Variants in GNG2 observed in about 807,000 individuals in gnomAD.
GNG2 encodes the protein guanine nucleotide-binding protein G(I)/G(S)/G(O) subunit gamma-2.
Under a neutral mutation model 5.5 loss-of-function variants are expected in GNG2, and 5 were observed. The observed-to-expected ratio is 0.91, with a 90% CI of 0.48 to 1.92. The LOEUF is 1.92. GNG2 is among the 30% of genes most tolerant of loss of function. The pLI is 0.01. For synonymous variants in GNG2, 28 were observed against 32.0 expected, an observed-to-expected ratio of 0.88 and a Z score of 0.42; for missense variants, 55 against 88.4, an observed-to-expected ratio of 0.62 and a Z score of 1.52.
chr14:51,877,727 T>C (rs1291590428), intron 2 of GNG2, 70 bp downstream of exon 2: 3 of 440,202 alleles, frequency 6.8e-6, no homozygotes, highest in Non-Finnish European at 1.4e-5. Flanking sequence ...AAAAAAATGT[T>C]AAGTGGTCTA....
chr14:51,865,902 G>A (rs905380321), intron 1 of GNG2, among the ~76,000 whole-genome samples: 1 of 151,856 alleles, frequency 6.6e-6, no homozygotes, highest in Admixed American at 6.6e-5. Context: ...GTTGTATTTA[G>A]TGGGAGTCAG....
chr14:51,931,079 T>C (rs144786504), intron 2 of GNG2, among the ~76,000 whole-genome samples: 2 of 152,040 alleles, frequency 1.3e-5, no homozygotes, highest in East Asian at 1.9e-4. Flanking sequence ...ACCTGGGTGA[T>C]AGAGCAAGAC....
At chr14:51,961,248 T>C (rs1395325229) in intron 3 of GNG2, among the ~76,000 whole-genome samples, 1 of 152,188 alleles carries the variant, frequency 6.6e-6, no homozygotes, top group Non-Finnish European at 1.5e-5. Context: ...TAGCCAAAAT[T>C]GGAAGTATAG....
intron 2 of GNG2, among the ~76,000 whole-genome samples, chr14:51,887,093 A>G (rs1336143447): frequency 6.6e-6 from 1 of 152,190 alleles, no homozygotes; most frequent in Admixed American, 6.5e-5. Flanking sequence ...CAATGGTAGT[A>G]TTTGGACAGA....
chr14:51,874,481 C>G (rs1335594492), intron 1 of GNG2, among the ~76,000 whole-genome samples: 1 of 149,602 alleles, frequency 6.7e-6, no homozygotes, highest in Non-Finnish European at 1.5e-5. Context: ...CCTGTAATCT[C>G]AGCACTTTAG....
intron 2 of GNG2, among the ~76,000 whole-genome samples, chr14:51,851,700 T>G (rs1054502795): frequency 3.3e-5 from 5 of 152,234 alleles, no homozygotes; most frequent in African/African-American, 9.6e-5. Context: ...TCTGTCTCAC[T>G]AATAAATAGA....
rs1889954367 is a variant in GNG2 at position 51,966,961 on chromosome 14, A to AACCCCCCCCCCCC, written c.*274_*275insACCCCCCCCCCCC. ...TGTCACTTCTTTTCTGCTATCCCCC[A>AACCCCCCCCCCCC]GCCCCCCCCCCAAAATCCTCATGTT... On this transcript the variant is annotated 3_prime_UTR_variant, in exon 4 of 4. Coordinates refer to ENST00000556766, the MANE Select transcript of GNG2 (RefSeq NM_053064.5). The AACCCCCCCCCCCC allele has an allele frequency of 1.4e-5, 1 of 70,420 alleles. No individual in the cohort carries two copies. Among genetic ancestry groups the AACCCCCCCCCCCC allele is most frequent in the Non-Finnish European group, 2.5e-5 (1 of 39,936 alleles). The allele number at this position is 70,420 out of a possible 1,614,324, so 4.4% of individuals were successfully genotyped here. A position where few individuals can be genotyped will look rare whatever the true frequency, so the allele number is the denominator to read the frequency against.
chr14:51,845,145 T>C (rs190776994), intron 2 of GNG2, among the ~76,000 whole-genome samples: 5 of 152,360 alleles, frequency 3.3e-5, no homozygotes, highest in African/African-American at 1.2e-4. Context: ...AATCTGTTTC[T>C]CTATGGGCTA....
At chr14:51,912,826 T>C (rs1265775821) in intron 2 of GNG2, among the ~76,000 whole-genome samples, 1 of 148,122 alleles carries the variant, frequency 6.8e-6, no homozygotes. Context: ...GTATTTCAGC[T>C]ACTGGCTTGG....
chr14:51,890,285 A>G (rs1328594654), intron 2 of GNG2, among the ~76,000 whole-genome samples: 1 of 152,188 alleles, frequency 6.6e-6, no homozygotes, highest in Non-Finnish European at 1.5e-5. Flanking sequence ...TTCCCAACAA[A>G]TCAGTGTTTC....
Position 51,909,688 on chromosome 14 carries a change from C to G in GNG2, c.-30+32031C>G, listed in dbSNP as rs1012959676. 5.3e-5 allele frequency among the ~76,000 whole-genome samples: 8 copies of G among 152,170 alleles called. No individual in the cohort carries two copies. The South Asian group carries it at 1.2e-3, about 24-fold the overall frequency. On this transcript the variant is annotated intron_variant, in intron 2 of 3. Transcript: ENST00000556766. ...ACTCCAGGGCCCAAATTTGACTTCT[C>G]CCCCTTGAGTATGAATACTGAGGAA... is the stretch of plus-strand genomic sequence containing the variant.
chr14:51,912,484 G>C (rs1318502540), intron 2 of GNG2, among the ~76,000 whole-genome samples: 1 of 152,070 alleles, frequency 6.6e-6, no homozygotes, highest in African/African-American at 2.4e-5. Context: ...CGGCTGCCCT[G>C]GTTGGTGAAG....
At chr14:51,856,050 C>A (rs958832445), upstream of GNG2, among the ~76,000 whole-genome samples, 2 of 151,994 alleles carry the variant, frequency 1.3e-5, no homozygotes, top group Non-Finnish European at 2.9e-5. Context: ...GGTTGGCACA[C>A]GCCTGTAATC....
intron 2 of GNG2, chr14:51,917,470 C>T (rs1473566655): frequency 2.2e-6 from 1 of 454,634 alleles, no homozygotes; most frequent in Admixed American, 2.4e-5. Context: ...TGAGTTGGAA[C>T]CTTAGCCTAG....
intron 3 of GNG2, among the ~76,000 whole-genome samples, chr14:51,962,711 G>C (rs1168881348): frequency 1.3e-5 from 2 of 152,186 alleles, no homozygotes; most frequent in African/African-American, 4.8e-5. Context: ...AAAAGGGAGA[G>C]ATTTTCTGGA....
upstream of GNG2, among the ~76,000 whole-genome samples, chr14:51,859,496 TAA>T (rs1347721130): frequency 2.0e-5 from 3 of 152,192 alleles, no homozygotes; most frequent in Non-Finnish European, 2.9e-5. Flanking sequence ...CTAAAAATAA[TAA>T]GAGTTAATAT....
intron 2 of GNG2, among the ~76,000 whole-genome samples, chr14:51,854,490 C>A (rs1023289892): frequency 1.3e-5 from 2 of 151,932 alleles, no homozygotes; most frequent in African/African-American, 4.8e-5. Context: ...CTCCATGGCT[C>A]TTTTTTAAAT....
chr14:51,890,227 A>G (rs1474221778), intron 2 of GNG2, among the ~76,000 whole-genome samples: 4 of 152,186 alleles, frequency 2.6e-5, no homozygotes, highest in Non-Finnish European at 5.9e-5. Flanking sequence ...ACTGCTGTGA[A>G]TCAGGACCAA....
At position 51,908,601 on chromosome 14, in the gene GNG2, G is replaced by A. The variant is rs1015215448; in HGVS notation, c.-30+30944G>A. On this transcript the variant is annotated intron_variant, in intron 2 of 3. Coordinates refer to ENST00000556766, the MANE Select transcript of GNG2 (RefSeq NM_053064.5). ...AGAGAGAGAGAGAAGAGAGTGTCTCGCTCTGTCACCCAGGCTGGAGGGCAG... is the reference window on the plus strand; with the variant it reads ...AGAGAGAGAGAGAAGAGAGTGTCTCACTCTGTCACCCAGGCTGGAGGGCAG... Among the ~76,000 whole-genome samples the A allele has an allele frequency of 7.3e-5, 11 of 151,256 alleles. No homozygotes were observed. In the South Asian group the frequency reaches 8.4e-4, roughly 12 times the overall value.
Sources: gnomAD v4.1 joint callset for allele counts (sites outside exome capture counted in the v4.1 genomes callset) on GRCh38, gnomAD v4.1.1 for gene constraint, MANE v1.5 for transcripts, NCBI Gene and HGNC (gene_info 2026-07-23, HGNC 2026-07-21) for gene names.